The following CALCR variants were observed in gnomAD, a reference collection of about 807,000 sequenced individuals.
CALCR encodes the protein calcitonin receptor.
A neutral mutation model predicts 59.5 loss-of-function variants in CALCR; 47 were observed. The ratio of observed to expected loss-of-function variants is 0.79; its 90% confidence interval spans 0.63 to 1.01. The LOEUF is 1.01. Among genes scored for constraint, CALCR ranks in the 50% least tolerant of loss-of-function variants. CALCR has a pLI of 0.00. For missense variants in CALCR, 566 were observed against 597.1 expected (o/e 0.95, Z 0.54); for synonymous variants, 213 against 211.3 (o/e 1.01, Z -0.07).
In CALCR at chr7:93,429,926, G is replaced by GT. The variant is rs370223680; in HGVS notation, c.1192-3338dup. Among the ~76,000 whole-genome samples the GT allele has an allele frequency of 3.6e-3, 368 of 101,374 alleles. 8 individuals are homozygous for GT. The highest frequency in any genetic ancestry group is 0.012 in the African/African-American group (353 of 28,562). The allele number at this position is 101,374 out of a possible 152,430, so 66.5% of individuals were successfully genotyped here. On this transcript the variant is annotated intron_variant, in intron 13 of 13. Coordinates refer to ENST00000426151, the MANE Select transcript of CALCR (RefSeq NM_001742.4). ...CACACTTTAGACGGTTTTTTTTTTT[G>GT]TTTGTTTGTTTTTTTGTTTTTTTTT...
chr7:93,464,583 T>C (rs1476840852), intron 7 of CALCR, among the ~76,000 whole-genome samples: 2 of 152,050 alleles, frequency 1.3e-5, no homozygotes, highest in Non-Finnish European at 2.9e-5. Context: ...ATATCTTCCC[T>C]ATTTGACAAG....
intron 7 of CALCR, among the ~76,000 whole-genome samples, chr7:93,466,450 A>T (rs1800442565): frequency 6.6e-6 from 1 of 151,934 alleles, no homozygotes; most frequent in African/African-American, 2.4e-5. Context: ...GATGCCCTTT[A>T]TATTTTTAGT....
intron 7 of CALCR, among the ~76,000 whole-genome samples, chr7:93,462,933 A>C (rs188742749): frequency 6.6e-6 from 1 of 152,074 alleles, no homozygotes; most frequent in Admixed American, 6.6e-5. Flanking sequence ...ACTAAAATGA[A>C]AGTGCTAAAG....
At chr7:93,485,305 A>C (rs1370312749) in intron 3 of CALCR, among the ~76,000 whole-genome samples, 6 of 151,706 alleles carry the variant, frequency 4.0e-5, no homozygotes, top group Non-Finnish European at 7.4e-5. Flanking sequence ...GTTTCTGTCC[A>C]TGGCTCATGC....
chr7:93,472,485 T>C lies in CALCR; in HGVS notation c.319A>G (p.Lys107Glu), dbSNP rs1800575581. 1.3e-6 allele frequency: 2 copies of C among 1,547,386 alleles called. No individual in the cohort carries two copies. The highest frequency in any genetic ancestry group is 1.8e-6 in the Non-Finnish European group (2 of 1,121,624). The change falls in exon 6 of 14, where the codon AAG becomes GAG. Residue 107 changes from lysine (K) to glutamate (E), a missense_variant and splice_region_variant. Physicochemically the swap from Lys to Glu is moderately conservative, Grantham distance 56. Transcript: ENST00000426151. ...TTTTCATCACAGTATTTTGTAACCTTTTCTGTTAATGAAACATAACAGTTA... is the reference window on the plus strand; with the variant it reads ...TTTTCATCACAGTATTTTGTAACCTCTTCTGTTAATGAAACATAACAGTTA... The part of the protein sequence containing the change: ...DYFPDFDPSE[K>E]VTKYCDEKGV...
At chr7:93,528,849 C>T (rs773186835) in intron 2 of CALCR, among the ~76,000 whole-genome samples, 7 of 152,140 alleles carry the variant, frequency 4.6e-5, no homozygotes, top group Admixed American at 2.6e-4. Flanking sequence ...ATTCAAGTTG[C>T]TAATTTAGCC....
rs981868311 is a variant in CALCR at position 93,479,388 on chromosome 7, G to A, written c.171C>T (p.Asp57=). 6.2e-7 allele frequency: 1 copy of A among 1,611,476 alleles called. No individual in the cohort carries two copies. Among genetic ancestry groups the A allele is most frequent in the Non-Finnish European group, 8.5e-7 (1 of 1,178,670 alleles). Residue 57 remains aspartate, a synonymous_variant, in exon 4 of 14, where the codon GAC becomes GAT. Transcript: ENST00000426151. ...KMMDAQYKCY[D]RMQQLPAYQG... ...GGTATGCGGGTAACTGCTGCATTCG[G>A]TCATAGCATTTGTACTGTGCATCCA...
intron 8 of CALCR, among the ~76,000 whole-genome samples, chr7:93,457,969 C>CA (rs1430667326): frequency 3.9e-5 from 6 of 152,150 alleles, no homozygotes; most frequent in Admixed American, 2.6e-4. Context: ...CACTTACTCT[C>CA]ACCGAGCCTC....
intron 3 of CALCR, among the ~76,000 whole-genome samples, chr7:93,485,234 C>A (rs1404978627): frequency 6.6e-6 from 1 of 151,352 alleles, no homozygotes; most frequent in Non-Finnish European, 1.5e-5. Flanking sequence ...GAGCACAAAC[C>A]CATTTAAGTG....
chr7:93,532,137 A>G (rs1788857036), intron 2 of CALCR, among the ~76,000 whole-genome samples: 1 of 152,068 alleles, frequency 6.6e-6, no homozygotes, highest in African/African-American at 2.4e-5. Flanking sequence ...GAATAAAACA[A>G]AGTAGTGGTA....
At chr7:93,522,134 C>T (rs1454292656) in intron 2 of CALCR, among the ~76,000 whole-genome samples, 4 of 151,880 alleles carry the variant, frequency 2.6e-5, no homozygotes, top group African/African-American at 9.7e-5. Flanking sequence ...CAGCATGAGG[C>T]ATATCACTCA....
chr7:93,543,213 C>T (rs1340370009), intron 2 of CALCR, among the ~76,000 whole-genome samples: 2 of 152,154 alleles, frequency 1.3e-5, no homozygotes, highest in African/African-American at 4.8e-5. Flanking sequence ...CGCACGATCT[C>T]TGTTCAGTGC....
intron 3 of CALCR, chr7:93,484,156 C>G: frequency 3.6e-6 from 1 of 276,090 alleles, no homozygotes; most frequent in South Asian, 3.1e-5. Context: ...CACCTGCTCT[C>G]ATAGAGCTTA....
chr7:93,426,637 T>A, intron 13 of CALCR, 48 bp from the exon 14 acceptor site: 2 of 977,510 alleles, frequency 2.0e-6, no homozygotes, highest in Non-Finnish European at 3.2e-6. Context: ...TCAGAAATGA[T>A]CCATGCAAAG....
chr7:93,465,049 T>G (rs1292396873), intron 7 of CALCR, among the ~76,000 whole-genome samples: 1 of 151,920 alleles, frequency 6.6e-6, no homozygotes, highest in Non-Finnish European at 1.5e-5. Flanking sequence ...ACCATCTGTT[T>G]TCCAACCTAT....
chr7:93,537,319 T>A, intron 2 of CALCR, among the ~76,000 whole-genome samples: 1 of 151,736 alleles, frequency 6.6e-6, no homozygotes, highest in East Asian at 1.9e-4. Flanking sequence ...AAGAATATAG[T>A]TCAATATTTT....
chr7:93,461,477 C>T (rs1280214817), intron 7 of CALCR, among the ~76,000 whole-genome samples: 2 of 152,152 alleles, frequency 1.3e-5, no homozygotes, highest in Non-Finnish European at 2.9e-5. Context: ...CTGTTACCAT[C>T]TTCTTAGATC....
rs144813449 is a variant in CALCR at position 93,510,618 on chromosome 7, A to G, written c.-26-23611T>C. 6.9e-3 allele frequency among the ~76,000 whole-genome samples: 1,049 copies of G among 152,298 alleles called. 5 individuals carry two copies. Among genetic ancestry groups the G allele is most frequent in the Middle Eastern group, 0.017 (5 of 294 alleles). On this transcript the variant is annotated intron_variant, in intron 2 of 13. Coordinates refer to ENST00000426151, the MANE Select transcript of CALCR (RefSeq NM_001742.4). ...TAAGGTGGCTCAAGCTTATAATCCC[A>G]GTGCTTTGGGAGGCTAAATTGGGAG...
intron 2 of CALCR, among the ~76,000 whole-genome samples, chr7:93,516,341 ACATTGATT>A (rs1483895674): frequency 1.3e-5 from 2 of 151,974 alleles, no homozygotes; most frequent in Admixed American, 6.6e-5. Context: ...ATTTTGTGTC[ACATTGATT>A]CATGAATTCA....
Sources: gnomAD v4.1 joint callset for allele counts (sites outside exome capture counted in the v4.1 genomes callset) on GRCh38, gnomAD v4.1.1 for gene constraint, MANE v1.5 for transcripts, NCBI Gene and HGNC (gene_info 2026-07-23, HGNC 2026-07-21) for gene names.